Variants in PRSS35 observed in about 807,000 individuals in gnomAD.
The protein encoded by PRSS35 is serine protease 35.
Under a neutral mutation model 8.1 loss-of-function variants are expected in PRSS35, and 7 were observed. That is an observed-to-expected ratio of 0.86 (90% CI 0.49 to 1.62). The LOEUF (loss-of-function observed/expected upper bound fraction) is 1.62, where lower values mean the gene tolerates loss of function less well. PRSS35 is among the 40% of genes most tolerant of loss of function. The pLI, the probability that PRSS35 is intolerant of heterozygous loss-of-function variation, is 0.00. For missense variants in PRSS35, 566 were observed against 518.0 expected (o/e 1.09, Z -0.90); for synonymous variants, 199 against 188.7 (o/e 1.05, Z -0.45).
In PRSS35 at chr6:83,524,026, T is replaced by G; in HGVS notation, c.585T>G (p.Ser195Arg). Reference protein sequence around the residue: ...RVGLLKMRNKSGGKKRRGSKR... With the variant: ...RVGLLKMRNKRGGKKRRGSKR... ...GGTTGTTGAAGATGAGGAATAAAAG[T>G]GGAGGCAAGAAACGTCGAGGTTCTA... is the stretch of plus-strand genomic sequence containing the variant. Residue 195 changes from serine (S) to arginine (R), a missense_variant, in exon 2 of 2, where the codon AGT becomes AGG. Coordinates refer to ENST00000369700, the MANE Select transcript of PRSS35 (RefSeq NM_153362.3). The G allele has an allele frequency of 1.9e-6, 3 of 1,613,794 alleles. No homozygotes were observed. Among genetic ancestry groups the G allele is most frequent in the Middle Eastern group, 1.6e-4 (1 of 6,062 alleles).
rs116875076 is a variant in PRSS35 at position 83,512,979 on chromosome 6, T to G, written c.-21+285T>G. 6.4e-3 allele frequency among the ~76,000 whole-genome samples: 981 copies of G among 152,292 alleles called. 6 individuals are homozygous for G. Among genetic ancestry groups the G allele is most frequent in the Non-Finnish European group, 9.6e-3 (654 of 68,020 alleles). ...AGGGGACCCTCTTTATTTTTATGAT[T>G]GTTAACAGATGCCATTGAGAAAGGT... On this transcript the variant is annotated intron_variant, in intron 1 of 1. Transcript: ENST00000369700.
At chr6:83,522,623 A>G (rs1373290229) in intron 1 of PRSS35, among the ~76,000 whole-genome samples, 1 of 152,226 alleles carries the variant, frequency 6.6e-6, no homozygotes, top group African/African-American at 2.4e-5. Flanking sequence ...AAGTCCCACC[A>G]TAAGGCATTT....
chr6:83,516,520 G>A (rs1047183678), intron 1 of PRSS35, among the ~76,000 whole-genome samples: 5 of 146,980 alleles, frequency 3.4e-5, no homozygotes, highest in Admixed American at 2.0e-4. Context: ...AGCTTGCAGT[G>A]AGCCGAGATC....
chr6:83,513,196 T>C (rs868558196), intron 1 of PRSS35, among the ~76,000 whole-genome samples: 32 of 150,790 alleles, frequency 2.1e-4, no homozygotes, highest in African/African-American at 7.6e-4. Context: ...AAAAAAAAAG[T>C]GTGTGGGGTG....
chr6:83,520,573 C>T (rs142910701), intron 1 of PRSS35, among the ~76,000 whole-genome samples: 70 of 152,224 alleles, frequency 4.6e-4, no homozygotes, highest in Middle Eastern at 3.4e-3. Context: ...AGAATGTGAA[C>T]GTGAACACAG....
At position 83,513,775 on chromosome 6, in the gene PRSS35, C is replaced by T. The variant is rs191412603; in HGVS notation, c.-21+1081C>T. On this transcript the variant is annotated intron_variant, in intron 1 of 1. Transcript: ENST00000369700. ...TGCATGCTTTTAAGAAGCTTTTTCA[C>T]GTTTTAAAATGTGAGACTGTTTAGC... is the stretch of plus-strand genomic sequence containing the variant. Among the ~76,000 whole-genome samples, 21 of 152,260 alleles carry T rather than the reference C, an allele frequency of 1.4e-4. No homozygotes were observed. The East Asian group carries it at 3.3e-3, about 24-fold the overall frequency.
chr6:83,519,082 T>C (rs1771773634), intron 1 of PRSS35, among the ~76,000 whole-genome samples: 1 of 152,134 alleles, frequency 6.6e-6, no homozygotes, highest in African/African-American at 2.4e-5. Context: ...TCTAAGAAAC[T>C]ATAAACAAAT....
chr6:83,519,597 C>T (rs1248214388), intron 1 of PRSS35, among the ~76,000 whole-genome samples: 1 of 152,216 alleles, frequency 6.6e-6, no homozygotes, highest in Non-Finnish European at 1.5e-5. Flanking sequence ...ATTTATGCCA[C>T]ATTGACATTT....
At chr6:83,518,601 G>A (rs546346022) in intron 1 of PRSS35, among the ~76,000 whole-genome samples, 33 of 152,124 alleles carry the variant, frequency 2.2e-4, no homozygotes, top group South Asian at 8.3e-4. Context: ...GTCCTTGAAC[G>A]AAAAACAAAA....
chr6:83,525,034 A>T lies in PRSS35; in HGVS notation c.*351A>T, dbSNP rs1348690898. ...GGACTTATTCTCAGGGTCCTACTCT[A>T]AGAAGAATCTAATAGGATGCTGGTT... On this transcript the variant is annotated 3_prime_UTR_variant, in exon 2 of 2. Transcript: ENST00000369700. 4.7e-6 allele frequency: 1 copy of T among 212,042 alleles called. No homozygotes were observed. The highest frequency in any genetic ancestry group is 1.0e-5 in the Non-Finnish European group (1 of 97,150). The allele number at this position is 212,042 out of a possible 1,614,324, so 13.1% of individuals were successfully genotyped here.
At chr6:83,521,474 T>G (rs1366446939) in intron 1 of PRSS35, among the ~76,000 whole-genome samples, 1 of 102,498 alleles carries the variant, frequency 9.8e-6, no homozygotes, top group South Asian at 3.5e-4. Flanking sequence ...TTTCCTCCCC[T>G]CCCCTCCCCT....
At chr6:83,521,276 G>T (rs537183933) in intron 1 of PRSS35, among the ~76,000 whole-genome samples, 1 of 151,510 alleles carries the variant, frequency 6.6e-6, no homozygotes, top group African/African-American at 2.4e-5. Context: ...AATTTCAAGC[G>T]CTCAGTAGAG....
At chr6:83,518,745 A>G (rs16870520) in intron 1 of PRSS35, among the ~76,000 whole-genome samples, 4,563 of 152,288 alleles carry the variant, frequency 0.03, 226 homozygotes, top group African/African-American at 0.1. Flanking sequence ...GAAGTGATAC[A>G]AATTCACCAA....
At chr6:83,518,354 T>C (rs951160593) in intron 1 of PRSS35, among the ~76,000 whole-genome samples, 2 of 152,204 alleles carry the variant, frequency 1.3e-5, no homozygotes, top group Non-Finnish European at 2.9e-5. Flanking sequence ...AGTAATTATG[T>C]TGACATAGAC....
chr6:83,524,729 A>G lies in PRSS35; in HGVS notation c.*46A>G, dbSNP rs1413826616. 1.3e-6 allele frequency: 2 copies of G among 1,535,988 alleles called. No individual in the cohort carries two copies. Among genetic ancestry groups the G allele is most frequent in the Non-Finnish European group, 1.8e-6 (2 of 1,140,250 alleles). Reference sequence around the variant, plus strand: ...GTGTATCATCTAAATCACAGAGAAAACCAGCTCTGCTTACCGTAGTGAGAT... The same window carrying G: ...GTGTATCATCTAAATCACAGAGAAAGCCAGCTCTGCTTACCGTAGTGAGAT... On this transcript the variant is annotated 3_prime_UTR_variant, in exon 2 of 2. Coordinates refer to ENST00000369700, the MANE Select transcript of PRSS35 (RefSeq NM_153362.3).
Position 83,524,226 on chromosome 6 carries a change from G to A in PRSS35, c.785G>A (p.Gly262Asp). The A allele has an allele frequency of 6.2e-7, 1 of 1,614,112 alleles. No individual in the cohort carries two copies. The highest frequency in any genetic ancestry group is 8.5e-7 in the Non-Finnish European group (1 of 1,180,030). ...TRVKNTHIPK[G>D]WARGGMGDAT... Reference sequence around the variant, plus strand: ...GTCAAGAATACCCACATTCCGAAGGGCTGGGCACGAGGAGGCATGGGGGAC... The same window carrying A: ...GTCAAGAATACCCACATTCCGAAGGACTGGGCACGAGGAGGCATGGGGGAC... The change falls in exon 2 of 2, where the codon GGC becomes GAC. Residue 262 changes from glycine to aspartate, a missense_variant. Physicochemically the swap from Gly to Asp is moderately conservative, Grantham distance 94 (BLOSUM62 -1). Coordinates refer to ENST00000369700, the MANE Select transcript of PRSS35 (RefSeq NM_153362.3).
At chr6:83,519,789 C>G (rs1771788709) in intron 1 of PRSS35, among the ~76,000 whole-genome samples, 2 of 152,168 alleles carry the variant, frequency 1.3e-5, no homozygotes, top group African/African-American at 4.8e-5. Flanking sequence ...GTTTTTATTC[C>G]TGTGGTACAC....
chr6:83,520,781 A>G (rs775058538), intron 1 of PRSS35, among the ~76,000 whole-genome samples: 27 of 152,204 alleles, frequency 1.8e-4, no homozygotes, highest in Non-Finnish European at 4.0e-4. Flanking sequence ...TTCAACTCTG[A>G]TGAGGCTTTC....
rs375255168 is a variant in PRSS35 at position 83,524,600 on chromosome 6, G to A, written c.1159G>A (p.Val387Ile). ...CCACGGGGTTCAGAAGGACTACAAC[G>A]TTGCTGTTCGCATCACTCCCCTAAA... The part of the protein sequence containing the change: ...DVHGVQKDYN[V>I]AVRITPLKYA... Residue 387 changes from valine (V) to isoleucine (I), a missense_variant, in exon 2 of 2, where the codon GTT (valine) becomes ATT (isoleucine). By Grantham distance (29) the Val-to-Ile change is conservative. Transcript: ENST00000369700. 8.7e-6 allele frequency: 14 copies of A among 1,613,992 alleles called. No homozygotes were observed. Among genetic ancestry groups the A allele is most frequent in the Non-Finnish European group, 1.1e-5 (13 of 1,180,032 alleles).
Sources: gnomAD v4.1 joint callset for allele counts (sites outside exome capture counted in the v4.1 genomes callset) on GRCh38, gnomAD v4.1.1 for gene constraint, MANE v1.5 for transcripts, NCBI Gene and HGNC (gene_info 2026-07-23, HGNC 2026-07-21) for gene names.